The following LOC128092253 variants were observed in gnomAD, a reference collection of about 807,000 sequenced individuals.
chr6:133,980,057 G>C, the LOC128092253 span: 12 of 1,371,016 alleles, frequency 8.8e-6, no homozygotes, highest in African/African-American at 1.5e-4. Flanking sequence ...TAAGTTTAAT[G>C]ACTTTATTTT....
At chr6:133,967,188 A>G in the LOC128092253 span, among the ~76,000 whole-genome samples, 2 of 152,152 alleles carry the variant, frequency 1.3e-5, no homozygotes, top group African/African-American at 4.8e-5. Context: ...CCAGGTCCCT[A>G]TCCCCTAGTA....
At chr6:133,970,400 A>G in the LOC128092253 span, among the ~76,000 whole-genome samples, 3 of 152,290 alleles carry the variant, frequency 2.0e-5, no homozygotes, top group East Asian at 5.8e-4. Context: ...GGACATTCTT[A>G]TCTAACCTAA....
chr6:133,953,691 C>T, the LOC128092253 span, among the ~76,000 whole-genome samples: 1 of 152,070 alleles, frequency 6.6e-6, no homozygotes, highest in African/African-American at 2.4e-5. Context: ...GGCGTCCGTA[C>T]CTGGGAGCGT....
chr6:133,953,553 G>A, the LOC128092253 span: 2 of 152,522 alleles, frequency 1.3e-5, no homozygotes, highest in East Asian at 1.9e-4. Context: ...TGGGATGTGT[G>A]GGGGCGGGCG....
At chr6:133,953,864 C>A in the LOC128092253 span, among the ~76,000 whole-genome samples, 7 of 152,164 alleles carry the variant, frequency 4.6e-5, no homozygotes, top group Non-Finnish European at 7.3e-5. Context: ...AGAAAACTTA[C>A]AGCGGCTTCT....
At chr6:133,961,465 CTT>C in the LOC128092253 span, among the ~76,000 whole-genome samples, 986 of 100,206 alleles carry the variant, frequency 9.8e-3, 5 homozygotes, top group African/African-American at 0.027. Flanking sequence ...TTCTTTCTTT[CTT>C]TTTTTTTTTT....
the LOC128092253 span, among the ~76,000 whole-genome samples, chr6:133,976,338 A>T: frequency 6.6e-6 from 1 of 152,194 alleles, no homozygotes; most frequent in Non-Finnish European, 1.5e-5. Context: ...ACAATGTTTC[A>T]GATACGATGT....
the LOC128092253 span, among the ~76,000 whole-genome samples, chr6:133,977,987 C>T: frequency 3.0e-4 from 46 of 152,196 alleles, no homozygotes; most frequent in African/African-American, 8.7e-4. Context: ...TTTTATGTCT[C>T]ATTGACCAGA....
chr6:133,972,056 A>G, the LOC128092253 span, among the ~76,000 whole-genome samples: 3 of 152,240 alleles, frequency 2.0e-5, no homozygotes, highest in Non-Finnish European at 4.4e-5. Flanking sequence ...AGAATAGATT[A>G]TCCAAATTTG....
the LOC128092253 span, among the ~76,000 whole-genome samples, chr6:133,978,457 G>A: frequency 3.2e-4 from 49 of 152,268 alleles, no homozygotes; most frequent in Non-Finnish European, 5.6e-4. Flanking sequence ...GACATTGCAC[G>A]TGCTTAAGAC....
the LOC128092253 span, among the ~76,000 whole-genome samples, chr6:133,967,904 G>A: frequency 9.9e-5 from 15 of 151,978 alleles, no homozygotes; most frequent in African/African-American, 3.1e-4. Flanking sequence ...TCCCAATCTT[G>A]TTTCATGTGC....
chr6:133,976,784 C>T, the LOC128092253 span, among the ~76,000 whole-genome samples: 1 of 151,956 alleles, frequency 6.6e-6, no homozygotes, highest in South Asian at 2.1e-4. Context: ...GTCAAGAGTT[C>T]AAGAGCAACC....
chr6:133,955,856 T>A, the LOC128092253 span, among the ~76,000 whole-genome samples: 1 of 152,220 alleles, frequency 6.6e-6, no homozygotes, highest in Non-Finnish European at 1.5e-5. Flanking sequence ...GGGAACTACT[T>A]ATAGTAATTT....
the LOC128092253 span, among the ~76,000 whole-genome samples, chr6:133,954,373 G>A: frequency 2.0e-5 from 3 of 151,930 alleles, no homozygotes; most frequent in Non-Finnish European, 4.4e-5. Flanking sequence ...TATAAAAAGA[G>A]ACATAAGAAG....
the LOC128092253 span, among the ~76,000 whole-genome samples, chr6:133,963,414 G>A: frequency 6.6e-6 from 1 of 152,038 alleles, no homozygotes; most frequent in Non-Finnish European, 1.5e-5. Context: ...TGTTTCTGTT[G>A]TTTTGTCTTT....
At chr6:133,969,632 G>A in the LOC128092253 span, among the ~76,000 whole-genome samples, 5 of 152,064 alleles carry the variant, frequency 3.3e-5, no homozygotes, top group African/African-American at 9.7e-5. Flanking sequence ...AGGCAAACTT[G>A]GTAAAATTTT....
chr6:133,964,650 G>A, the LOC128092253 span, among the ~76,000 whole-genome samples: 2 of 151,796 alleles, frequency 1.3e-5, no homozygotes, highest in African/African-American at 2.4e-5. Flanking sequence ...GGGTTTTACC[G>A]TGTTAGCCAG....
the LOC128092253 span, among the ~76,000 whole-genome samples, chr6:133,972,015 A>G: frequency 6.6e-6 from 1 of 152,196 alleles, no homozygotes; most frequent in African/African-American, 2.4e-5. Flanking sequence ...AAATACTGTG[A>G]TAACTACTAT....
At chr6:133,968,239 G>A in the LOC128092253 span, among the ~76,000 whole-genome samples, 11 of 151,842 alleles carry the variant, frequency 7.2e-5, no homozygotes, top group Admixed American at 1.3e-4. Flanking sequence ...CACCTGGCCA[G>A]GTGACTATTT....
Sources: allele counts gnomAD v4.1 joint callset (sites outside exome capture counted in the v4.1 genomes callset), GRCh38; gene constraint gnomAD v4.1.1; transcripts MANE v1.5.